Variants in ADGRA2 observed in about 807,000 individuals in gnomAD.
ADGRA2 encodes G-protein coupled receptor 124.
Under a neutral mutation model 98.7 loss-of-function variants are expected in ADGRA2, and 61 were observed. The ratio of observed to expected loss-of-function variants is 0.62; its 90% CI spans 0.50 to 0.76. The LOEUF (loss-of-function observed/expected upper bound fraction) is 0.76, where lower values mean the gene tolerates loss of function less well. Ranked by LOEUF, ADGRA2 falls within the 30% of genes least tolerant of loss-of-function variation. The pLI is 0.00. For missense variants in ADGRA2, 1,712 were observed against 1,860.0 expected (o/e 0.92, Z 1.46); for synonymous variants, 858 against 831.5 (o/e 1.03, Z -0.55).
chr8:37,826,662 G>A (rs968069386), intron 2 of ADGRA2, among the ~76,000 whole-genome samples: 1 of 152,190 alleles, frequency 6.6e-6, no homozygotes, highest in African/African-American at 2.4e-5. Flanking sequence ...CCCCAAGCGG[G>A]ACTGTGCACA....
rs1187814740 is a variant in ADGRA2 at position 37,834,155 on chromosome 8, C to T, written c.1608+27C>T. 6.3e-7 allele frequency: 1 copy of T among 1,588,764 alleles called. No individual in the cohort carries two copies. Among genetic ancestry groups the T allele is most frequent in the Non-Finnish European group, 8.6e-7 (1 of 1,166,262 alleles). ...TAATGGGGGTCAGCAGAGGGGGTGGCCCTGGCATGCAGAGGAGGGAGGCGC... is the reference window on the plus strand; with the variant it reads ...TAATGGGGGTCAGCAGAGGGGGTGGTCCTGGCATGCAGAGGAGGGAGGCGC... On this transcript the variant is annotated intron_variant, in intron 11 of 18. Transcript: ENST00000412232. The surrounding 1 kb of genome is among the most constrained non-coding windows in gnomAD (Gnocchi z 4.2).
chr8:37,826,334 C>T (rs1350591262), intron 2 of ADGRA2, among the ~76,000 whole-genome samples: 1 of 151,932 alleles, frequency 6.6e-6, no homozygotes, highest in Non-Finnish European at 1.5e-5. Context: ...GGCGGCAAAA[C>T]GGTGGGGGCT....
rs1454401852 is a variant in ADGRA2 at position 37,835,211 on chromosome 8, A to AG, written c.1647dup (p.Pro550AlafsTer34). The AG allele has an allele frequency of 6.2e-7, 1 of 1,613,838 alleles. No individual in the cohort carries two copies. Among genetic ancestry groups the AG allele is most frequent in the Non-Finnish European group, 8.5e-7 (1 of 1,179,968 alleles). The stretch of plus-strand genomic sequence containing the variant: ...GTGGCATTGGAGGCCTACCTCATCA[A>AG]GCCGCACAGCTACGTGGGCCTGACC... On this transcript the variant is annotated frameshift_variant, in exon 12 of 19. Coordinates refer to ENST00000412232, the MANE Select transcript of ADGRA2 (RefSeq NM_032777.10). LOFTEE classifies it high-confidence loss of function.
At chr8:37,825,646 G>A (rs964994486) in intron 2 of ADGRA2, among the ~76,000 whole-genome samples, 2 of 152,030 alleles carry the variant, frequency 1.3e-5, no homozygotes, top group African/African-American at 2.4e-5. Flanking sequence ...GGCCTTCGTA[G>A]ATCTTCAAAA....
chr8:37,831,104 A>T (rs1374094998), intron 7 of ADGRA2, among the ~76,000 whole-genome samples, 181 bp downstream of exon 7: 2 of 152,226 alleles, frequency 1.3e-5, no homozygotes, highest in African/African-American at 4.8e-5. Context: ...TAAATATCTG[A>T]TAGAACAAAA....
intron 11 of ADGRA2, 132 bp from the exon 12 acceptor site, chr8:37,835,042 A>G: frequency 1.6e-6 from 1 of 630,476 alleles, no homozygotes. Flanking sequence ...AAAAAGAGAG[A>G]GAGGTGGCTT....
intron 1 of ADGRA2, among the ~76,000 whole-genome samples, chr8:37,813,698 G>A (rs1585974697): frequency 6.6e-6 from 1 of 152,112 alleles, no homozygotes; most frequent in South Asian, 2.1e-4. Flanking sequence ...TCCACCCCTC[G>A]CCCTAGAAAG....
Position 37,830,738 on chromosome 8 carries a change from C to CCTCA in ADGRA2, c.748_751dup (p.Ile251ThrfsTer42). ...GGGCCCTGGAGCTGCACACACACCA[C>CCTCA]CTCATCCCGTCCCTACGCCAAGTGG... On this transcript the variant is annotated frameshift_variant, in exon 7 of 19. Transcript: ENST00000412232. LOFTEE classifies it high-confidence loss of function. The surrounding 1 kb of genome is among the most constrained non-coding windows in gnomAD (Gnocchi z 4.8). The CCTCA allele has an allele frequency of 6.2e-7, 1 of 1,605,786 alleles. No homozygotes were observed. Among genetic ancestry groups the CCTCA allele is most frequent in the Non-Finnish European group, 8.5e-7 (1 of 1,176,548 alleles).
chr8:37,797,123 C>A lies in ADGRA2; in HGVS notation c.-146C>A. 1 of 489,946 alleles carries A rather than the reference C, an allele frequency of 2.0e-6. No individual in the cohort carries two copies. Among genetic ancestry groups the A allele is most frequent in the Non-Finnish European group, 2.9e-6 (1 of 342,552 alleles). The allele number at this position is 489,946 out of a possible 1,614,324, so 30.3% of individuals were successfully genotyped here. On this transcript the variant is annotated 5_prime_UTR_variant, in exon 1 of 19. Coordinates refer to ENST00000412232, the MANE Select transcript of ADGRA2 (RefSeq NM_032777.10). The surrounding 1 kb of genome is among the most constrained non-coding windows in gnomAD (Gnocchi z 5.3). ...GCCCCCGGGGCGCGGCGGCGGGGAC[C>A]CCGGGGCTCGCCTCCGCCCAGGGCC...
In ADGRA2 at chr8:37,838,952, C is replaced by A. The variant is rs2130053066; in HGVS notation, c.2260-4C>A. 6.4e-7 allele frequency: 1 copy of A among 1,563,028 alleles called. No individual in the cohort carries two copies. ...CTCACGTCCTCCTTCCTGCCCTTTC[C>A]CAGGAGCTGAGCGCCTTTCCCAGGG... On this transcript the variant is annotated splice_polypyrimidine_tract_variant and splice_region_variant and intron_variant, in intron 14 of 18. Transcript: ENST00000412232.
At chr8:37,822,384 T>TAC (rs147834043) in intron 2 of ADGRA2, among the ~76,000 whole-genome samples, 2,384 of 147,174 alleles carry the variant, frequency 0.016, 26 homozygotes, top group African/African-American at 0.033. Context: ...TGTATGTGGG[T>TAC]ACACACACAC....
At chr8:37,804,130 C>CACACACACACACACACACACACACACAT (rs1804591199) in intron 1 of ADGRA2, among the ~76,000 whole-genome samples, 1 of 148,590 alleles carries the variant, frequency 6.7e-6, no homozygotes, top group African/African-American at 2.5e-5. Flanking sequence ...CACACACACA[C>CACACACACACACACACACACACACACAT]ACACACACAC....
rs141853146 is a variant in ADGRA2 at position 37,844,667 on chromosome 8, G to A, written c.*2312G>A. 2.0e-5 allele frequency: 32 copies of A among 1,614,020 alleles called. No individual in the cohort carries two copies. In the African/African-American group the frequency reaches 4.1e-4, roughly 21 times the overall value. The stretch of plus-strand genomic sequence containing the variant: ...AGATCCGCTTCGGGGACTTCAACAT[G>A]CAGGGTGGCAAGAGAAGGGCAGGAC... On this transcript the variant is annotated 3_prime_UTR_variant, in exon 19 of 19. Coordinates refer to ENST00000412232, the MANE Select transcript of ADGRA2 (RefSeq NM_032777.10).
At chr8:37,837,024 T>C (rs2130043453) in intron 13 of ADGRA2, among the ~76,000 whole-genome samples, 1 of 152,308 alleles carries the variant, frequency 6.6e-6, no homozygotes, top group African/African-American at 2.4e-5. Context: ...GGACAGGCAG[T>C]GGACAAGTCG....
chr8:37,813,692 C>T lies in ADGRA2; in HGVS notation c.267-1204C>T, dbSNP rs796992646. Among the ~76,000 whole-genome samples the T allele has an allele frequency of 5.3e-5, 8 of 152,268 alleles. 1 individual carries two copies. The highest frequency in any genetic ancestry group is 1.9e-4 in the African/African-American group (8 of 41,562). Reference sequence around the variant, plus strand: ...GAGGTCTCCACCCCTCCCTCCTCCACCCCTCGCCCTAGAAAGCCCCTTCAA... The same window carrying T: ...GAGGTCTCCACCCCTCCCTCCTCCATCCCTCGCCCTAGAAAGCCCCTTCAA... On this transcript the variant is annotated intron_variant, in intron 1 of 18. Coordinates refer to ENST00000412232, the MANE Select transcript of ADGRA2 (RefSeq NM_032777.10).
intron 1 of ADGRA2, among the ~76,000 whole-genome samples, chr8:37,811,840 C>T (rs572349894): frequency 6.6e-6 from 1 of 151,290 alleles, no homozygotes; most frequent in Admixed American, 6.6e-5. Context: ...CGGTAGTTTA[C>T]ACCTATAATC....
intron 1 of ADGRA2, among the ~76,000 whole-genome samples, chr8:37,799,042 G>C (rs930103609): frequency 1.3e-5 from 2 of 152,238 alleles, no homozygotes; most frequent in Admixed American, 6.5e-5. Context: ...TTGCTCTGCG[G>C]AACAGTCGGT....
At chr8:37,829,781 G>C in intron 5 of ADGRA2, 70 bp from the exon 6 acceptor site, 1 of 1,505,578 alleles carries the variant, frequency 6.6e-7, no homozygotes, top group East Asian at 2.3e-5. Flanking sequence ...ATCCCTCCCT[G>C]GGGCCCCAGG....
At position 37,840,183 on chromosome 8, in the gene ADGRA2, A is replaced by G; in HGVS notation, c.2574A>G (p.Arg858=). ...TGCTCTGGATGGGCGTGAAGGCGCG[A>G]GTGCTCCATAAGGAGCTCACCTGGA... is the stretch of plus-strand genomic sequence containing the variant. The part of the protein sequence containing the change: ...STLLWMGVKA[R]VLHKELTWRA... The change falls in exon 17 of 19, where the codon CGA becomes CGG. Residue 858 remains arginine (R), a synonymous_variant. Transcript: ENST00000412232. 6.2e-7 allele frequency: 1 copy of G among 1,612,120 alleles called. No individual in the cohort carries two copies.
Sources: allele counts gnomAD v4.1 joint callset (sites outside exome capture counted in the v4.1 genomes callset), GRCh38; gene constraint gnomAD v4.1.1; non-coding constraint Gnocchi (gnomAD v3.1); transcripts MANE v1.5; gene names NCBI Gene and HGNC (gene_info 2026-07-23, HGNC 2026-07-21).